The following EGF variants were observed in gnomAD, a reference collection of about 807,000 sequenced individuals.
EGF encodes the protein epidermal growth factor, also known as pro-epidermal growth factor.
In EGF, 95 loss-of-function variants were observed where a neutral mutation model predicts 143.8. The ratio of observed to expected loss-of-function variants is 0.66; its 90% confidence interval spans 0.56 to 0.78. The LOEUF (loss-of-function observed/expected upper bound fraction) is 0.78, where lower values mean the gene tolerates loss of function less well. Ranked by LOEUF, EGF falls within the 30% of genes least tolerant of loss-of-function variation. The pLI, the probability that EGF is intolerant of heterozygous loss-of-function variation, is 0.00. For missense variants in EGF, 1,320 were observed against 1,470.9 expected (o/e 0.90, Z 1.68); for synonymous variants, 510 against 510.5 (o/e 1.00, Z 0.01).
At chr4:109,924,469 CA>C (rs1738305275) in intron 1 of EGF, among the ~76,000 whole-genome samples, 1 of 150,720 alleles carries the variant, frequency 6.6e-6, no homozygotes, top group African/African-American at 2.5e-5. Context: ...TGAATTAACT[CA>C]AATCAAGTCA....
chr4:110,011,676 AG>A lies in EGF; in HGVS notation c.*223del. On this transcript the variant is annotated 3_prime_UTR_variant, in exon 24 of 24. Coordinates refer to ENST00000265171, the MANE Select transcript of EGF (RefSeq NM_001963.6). ...AAGTAAGAGTACTGGGAGAATCACT[AG>A]GTAACTTATTAGAAACCCAAATTGG... 1 of 684,604 alleles carries A rather than the reference AG, an allele frequency of 1.5e-6. No homozygotes were observed. The highest frequency in any genetic ancestry group is 2.9e-5 in the East Asian group (1 of 34,586). 42.4% of individuals were successfully genotyped at this position (684,604 alleles called of 1,614,324 possible). A position where few individuals can be genotyped will look rare whatever the true frequency, so the allele number is the denominator to read the frequency against.
chr4:110,006,334 G>T (rs1264599716), intron 22 of EGF, among the ~76,000 whole-genome samples: 1 of 151,778 alleles, frequency 6.6e-6, no homozygotes, highest in Non-Finnish European at 1.5e-5. Context: ...GACAGACTGA[G>T]ACCTTTTCTC....
At position 109,993,108 on chromosome 4, in the gene EGF, A is replaced by G. The variant is rs1751262794; in HGVS notation, c.2735-139A>G. ...ACTTTAAGTATAATAAAAAATATATATTAAAAAAATATATAGGTCTCTGAG... is the reference window on the plus strand; with the variant it reads ...ACTTTAAGTATAATAAAAAATATATGTTAAAAAAATATATAGGTCTCTGAG... On this transcript the variant is annotated intron_variant, in intron 18 of 23. Transcript: ENST00000265171. 6.0e-6 allele frequency: 5 copies of G among 831,638 alleles called. No individual in the cohort carries two copies. In the South Asian group the frequency reaches 1.3e-4, roughly 22 times the overall value. The allele number at this position is 831,638 out of a possible 1,614,324, so 51.5% of individuals were successfully genotyped here.
At chr4:109,972,729 A>G (rs1471293751) in intron 11 of EGF, among the ~76,000 whole-genome samples, 1 of 152,236 alleles carries the variant, frequency 6.6e-6, no homozygotes, top group Non-Finnish European at 1.5e-5. Flanking sequence ...AAGTGTTTCC[A>G]ACCCAGCATA....
intron 1 of EGF, among the ~76,000 whole-genome samples, chr4:109,929,919 C>A (rs1211645499): frequency 6.6e-6 from 1 of 152,124 alleles, no homozygotes; most frequent in Non-Finnish European, 1.5e-5. Flanking sequence ...GAATTGTAAT[C>A]CCCAGGTGTT....
At position 109,945,246 on chromosome 4, in the gene EGF, C is replaced by T; in HGVS notation, c.911C>T (p.Pro304Leu). The change falls in exon 5 of 24, where the codon CCC becomes CTC. Residue 304 changes from proline to leucine, a missense_variant. This residue lies in a region of EGF where 1,186 missense variants were observed against 1,313.7 expected (regional missense o/e 0.90). Coordinates refer to ENST00000265171, the MANE Select transcript of EGF (RefSeq NM_001963.6). ...ELKVVHPLAQ[P>L]KAEDDTWEPE... is the part of the protein sequence containing the mutation. ...AAAGTAGTGCATCCACTTGCACAAC[C>T]CAAGGCAGAAGATGACACTTGGGAG... 1 of 1,614,014 alleles carries T rather than the reference C, an allele frequency of 6.2e-7. No homozygotes were observed. The highest frequency in any genetic ancestry group is 8.5e-7 in the Non-Finnish European group (1 of 1,180,000).
chr4:109,926,579 G>A (rs546410527), intron 1 of EGF, among the ~76,000 whole-genome samples: 9 of 152,128 alleles, frequency 5.9e-5, no homozygotes, highest in African/African-American at 2.2e-4. Context: ...GGATGGTCTC[G>A]ATCTCCTGAC....
At chr4:109,973,806 T>C (rs1748043317) in intron 11 of EGF, among the ~76,000 whole-genome samples, 2 of 152,112 alleles carry the variant, frequency 1.3e-5, no homozygotes, top group East Asian at 3.9e-4. Context: ...TGGTGCTCAG[T>C]AAATATTTGT....
chr4:109,978,261 T>C (rs969013160), intron 13 of EGF, among the ~76,000 whole-genome samples: 3 of 152,222 alleles, frequency 2.0e-5, no homozygotes, highest in African/African-American at 7.2e-5. Flanking sequence ...TCATGTTGTA[T>C]GCAATAAAAA....
chr4:109,936,616 C>T (rs901380661), intron 1 of EGF, among the ~76,000 whole-genome samples: 1 of 152,046 alleles, frequency 6.6e-6, no homozygotes, highest in Non-Finnish European at 1.5e-5. Context: ...TTCACTAGTT[C>T]TTTTAATTGT....
Position 109,983,476 on chromosome 4 carries a change from C to T in EGF, c.2426C>T (p.Thr809Ile). ...QVTPLDILSK[T>I]RVSEDNITES... The stretch of plus-strand genomic sequence containing the variant: ...ACACCATTGGACATCTTGTCCAAGA[C>T]TAGAGTGTCAGAAGATAACATTACA... Residue 809 changes from threonine (T) to isoleucine (I), a missense_variant, in exon 16 of 24, where the codon ACT becomes ATT. This residue lies in a region of EGF where 1,186 missense variants were observed against 1,313.7 expected (regional missense o/e 0.90). Transcript: ENST00000265171. The T allele has an allele frequency of 6.2e-7, 1 of 1,613,708 alleles. No homozygotes were observed. The highest frequency in any genetic ancestry group is 8.5e-7 in the Non-Finnish European group (1 of 1,179,774).
At chr4:109,960,085 A>G (rs1223331563) in intron 6 of EGF, among the ~76,000 whole-genome samples, 1 of 152,148 alleles carries the variant, frequency 6.6e-6, no homozygotes, top group Non-Finnish European at 1.5e-5. Flanking sequence ...CCCTGCTTAC[A>G]TGGGACCAAT....
At position 109,968,707 on chromosome 4, in the gene EGF, T is replaced by TCTACCTACCTACCTACCTACCTAC. The variant is rs1553937989; in HGVS notation, c.1576-241_1576-240insCCTACCTACCTACCTACCTACCTA. The TCTACCTACCTACCTACCTACCTAC allele has an allele frequency of 2.7e-4, 96 of 351,480 alleles. 2 individuals are homozygous for TCTACCTACCTACCTACCTACCTAC. The highest frequency in any genetic ancestry group is 1.8e-3 in the South Asian group (74 of 41,034). 21.8% of individuals were successfully genotyped at this position (351,480 alleles called of 1,614,324 possible). On this transcript the variant is annotated intron_variant, in intron 10 of 23. Transcript: ENST00000265171. ...ATCTATCTATCTATCTATCTATCTA[T>TCTACCTACCTACCTACCTACCTAC]CTACCTACCTACCTACCTACCTAAT...
intron 10 of EGF, among the ~76,000 whole-genome samples, chr4:109,966,195 C>T (rs962478070): frequency 3.3e-5 from 5 of 151,882 alleles, no homozygotes; most frequent in Admixed American, 6.6e-5. Context: ...TCACCTGTTA[C>T]CCCCCTGCAC....
intron 5 of EGF, among the ~76,000 whole-genome samples, chr4:109,953,197 G>A (rs1454453746): frequency 1.3e-5 from 2 of 152,100 alleles, no homozygotes; most frequent in East Asian, 3.8e-4. Context: ...AGGCACATGG[G>A]GCTAGTTCTT....
At position 109,940,628 on chromosome 4, in the gene EGF, A is replaced by G. The variant is rs78346478; in HGVS notation, c.128-318A>G. 334 of 293,902 alleles carry G rather than the reference A, an allele frequency of 1.1e-3. 1 individual carries two copies. Among genetic ancestry groups the G allele is most frequent in the East Asian group, 6.1e-3 (78 of 12,778 alleles). The allele number at this position is 293,902 out of a possible 1,614,324, so 18.2% of individuals were successfully genotyped here. A position where few individuals can be genotyped will look rare whatever the true frequency, so the allele number is the denominator to read the frequency against. Reference sequence around the variant, plus strand: ...ATATAAATCCTTTCCACAATAGAATATGATGGGTGGTTCCTTTTTGAACAT... The same window carrying G: ...ATATAAATCCTTTCCACAATAGAATGTGATGGGTGGTTCCTTTTTGAACAT... On this transcript the variant is annotated intron_variant, in intron 1 of 23. Transcript: ENST00000265171.
chr4:109,967,191 T>C lies in EGF; in HGVS notation c.1576-1780T>C, dbSNP rs573076597. On this transcript the variant is annotated intron_variant, in intron 10 of 23. Transcript: ENST00000265171. ...ATAGTTTCAGGCTTACACCTAAGTGTTTGATCCATCTTGAGTTAATTTTTT... is the reference window on the plus strand; with the variant it reads ...ATAGTTTCAGGCTTACACCTAAGTGCTTGATCCATCTTGAGTTAATTTTTT... Among the ~76,000 whole-genome samples, 7 of 152,356 alleles carry C rather than the reference T, an allele frequency of 4.6e-5. No individual in the cohort carries two copies. In the South Asian group the frequency reaches 1.4e-3, roughly 32 times the overall value.
chr4:109,984,698 A>G (rs187348867), intron 16 of EGF, among the ~76,000 whole-genome samples: 259 of 152,344 alleles, frequency 1.7e-3, no homozygotes, highest in African/African-American at 5.9e-3. Flanking sequence ...AGGGTCAACC[A>G]TAATCTCTAA....
Position 109,980,897 on chromosome 4 carries a change from T to C in EGF, c.2293T>C (p.Cys765Arg), listed in dbSNP as rs1343433116. 6.2e-7 allele frequency: 1 copy of C among 1,614,096 alleles called. No individual in the cohort carries two copies. Among genetic ancestry groups the C allele is most frequent in the African/African-American group, 1.3e-5 (1 of 75,026 alleles). The change falls in exon 15 of 24, where the codon TGT becomes CGT. Residue 765 changes from cysteine to arginine, a missense_variant. By Grantham distance (180) the Cys-to-Arg change is radical (BLOSUM62 -3). Coordinates refer to ENST00000265171, the MANE Select transcript of EGF (RefSeq NM_001963.6). ...ICKKRLGTAW[C>R]SCREGFMKAS... is the part of the protein sequence containing the mutation. ...CAAAAAGAGGCTTGGAACTGCTTGG[T>C]GTTCGTGTCGTGAAGGTTTTATGAA... is the stretch of plus-strand genomic sequence containing the variant.
Sources: gnomAD v4.1 joint callset for allele counts (sites outside exome capture counted in the v4.1 genomes callset) on GRCh38, gnomAD v4.1.1 for gene constraint, gnomAD v4.1.1 regional missense constraint, MANE v1.5 for transcripts, NCBI Gene and HGNC (gene_info 2026-07-23, HGNC 2026-07-21) for gene names.